The following LIMD1 variants were observed in gnomAD, a reference collection of about 807,000 sequenced individuals.
The protein encoded by LIMD1 is LIM domain-containing protein 1.
A neutral mutation model predicts 58.4 loss-of-function variants in LIMD1; 23 were observed. The observed-to-expected ratio is 0.39, with a 90% CI of 0.28 to 0.56. The LOEUF is 0.56. LIMD1 is among the 20% of genes least tolerant of loss of function. The pLI is 0.57. For missense variants in LIMD1, 838 were observed against 855.5 expected (o/e 0.98, Z 0.25); for synonymous variants, 334 against 345.5 (o/e 0.97, Z 0.37).
intron 3 of LIMD1, among the ~76,000 whole-genome samples, chr3:45,667,081 G>C (rs1402908142): frequency 6.6e-6 from 1 of 152,194 alleles, no homozygotes; most frequent in Non-Finnish European, 1.5e-5. Context: ...TTCAGTCTCA[G>C]GTCCTATGTG....
intron 2 of LIMD1, 57 bp downstream of exon 2, chr3:45,636,308 G>A (rs577447744): frequency 2.4e-5 from 31 of 1,271,470 alleles, no homozygotes; most frequent in Admixed American, 8.8e-5. Context: ...CATGGGAACC[G>A]AGAAAGGGAG....
chr3:45,654,586 T>G (rs986460035), intron 2 of LIMD1, among the ~76,000 whole-genome samples: 16 of 152,086 alleles, frequency 1.1e-4, no homozygotes, highest in East Asian at 3.9e-4. Context: ...CCCAGCACTG[T>G]GGGAGGCTGA....
Position 45,632,850 on chromosome 3 carries a change from C to T in LIMD1, c.1409-3300C>T, listed in dbSNP as rs1307147939. Among the ~76,000 whole-genome samples, 3 of 152,284 alleles carry T rather than the reference C, an allele frequency of 2.0e-5. No homozygotes were observed. In the East Asian group the frequency reaches 5.8e-4, roughly 29 times the overall value. On this transcript the variant is annotated intron_variant, in intron 1 of 7. Transcript: ENST00000273317. ...GGTCCAGTGGTCACTGTGCATGGGCCCCTAGCAGCAGCCGCGACACCACTG... is the reference window on the plus strand; with the variant it reads ...GGTCCAGTGGTCACTGTGCATGGGCTCCTAGCAGCAGCCGCGACACCACTG...
chr3:45,625,972 T>C (rs1202148786), intron 1 of LIMD1, among the ~76,000 whole-genome samples: 1 of 152,214 alleles, frequency 6.6e-6, no homozygotes, highest in Non-Finnish European at 1.5e-5. Context: ...TTGACTAATA[T>C]GAGGAGACAT....
intron 2 of LIMD1, among the ~76,000 whole-genome samples, chr3:45,657,707 C>T (rs1421646746): frequency 2.9e-4 from 44 of 152,222 alleles, no homozygotes; most frequent in Admixed American, 2.9e-3. Context: ...TCCCATCCTG[C>T]CCACTTACTA....
chr3:45,666,831 C>T (rs1697526725), intron 3 of LIMD1, among the ~76,000 whole-genome samples: 1 of 152,204 alleles, frequency 6.6e-6, no homozygotes, highest in South Asian at 2.1e-4. Context: ...GTTGAAATGA[C>T]TCTGTCATCT....
chr3:45,598,760 T>C (rs991292804), intron 1 of LIMD1, among the ~76,000 whole-genome samples: 1 of 152,136 alleles, frequency 6.6e-6, no homozygotes, highest in African/African-American at 2.4e-5. Context: ...ACCTAGAAGA[T>C]GCATTTGAGC....
intron 1 of LIMD1, among the ~76,000 whole-genome samples, chr3:45,612,044 A>G (rs892723583): frequency 6.6e-6 from 1 of 151,020 alleles, no homozygotes; most frequent in Non-Finnish European, 1.5e-5. Context: ...GCTTCTGCCC[A>G]GCTCTGTCAT....
intron 2 of LIMD1, among the ~76,000 whole-genome samples, chr3:45,643,505 T>C (rs535034409): frequency 6.7e-6 from 1 of 149,630 alleles, no homozygotes; most frequent in African/African-American, 2.5e-5. Flanking sequence ...AAAAGAATGG[T>C]CTGTGAGGGA....
At chr3:45,662,654 G>A (rs1697458259) in intron 2 of LIMD1, among the ~76,000 whole-genome samples, 1 of 151,880 alleles carries the variant, frequency 6.6e-6, no homozygotes, top group Admixed American at 6.6e-5. Flanking sequence ...TTTTCCTACT[G>A]TTACCATATA....
chr3:45,668,391 C>T (rs1425487922), intron 4 of LIMD1, 35 bp downstream of exon 4: 3 of 1,502,092 alleles, frequency 2.0e-6, no homozygotes, highest in Non-Finnish European at 2.8e-6. Flanking sequence ...AACAGCATCT[C>T]AGGTGGAGGA....
At position 45,664,301 on chromosome 3, in the gene LIMD1, C is replaced by T. The variant is rs1461191252; in HGVS notation, c.1511-1349C>T. ...GACTACAGACGTGAACAACTGTGCC[C>T]GGCCAGATACTAATAGCATTTTATA... On this transcript the variant is annotated intron_variant, in intron 2 of 7. Transcript: ENST00000273317. 2.6e-5 allele frequency among the ~76,000 whole-genome samples: 4 copies of T among 152,178 alleles called. No homozygotes were observed. The South Asian group carries it at 6.2e-4, about 24-fold the overall frequency.
intron 2 of LIMD1, among the ~76,000 whole-genome samples, chr3:45,646,731 A>C (rs1175169504): frequency 6.8e-6 from 1 of 146,694 alleles, no homozygotes; most frequent in Non-Finnish European, 1.5e-5. Context: ...TCTGCCATTC[A>C]GGCTGGAGTG....
At chr3:45,669,364 G>A (rs1228326008) in intron 4 of LIMD1, among the ~76,000 whole-genome samples, 3 of 152,232 alleles carry the variant, frequency 2.0e-5, no homozygotes, top group South Asian at 4.2e-4. Flanking sequence ...TCTCTAAGCT[G>A]ACTCATTAAT....
chr3:45,665,682 G>T lies in LIMD1; in HGVS notation c.1543G>T (p.Val515Phe). ...GCTGAGAGGAAAAGCCTTTTATTTTGTCAACGGCAAAGTGTTTTGTGAAGA... is the reference window on the plus strand; with the variant it reads ...GCTGAGAGGAAAAGCCTTTTATTTTTTCAACGGCAAAGTGTTTTGTGAAGA... ...RKLRGKAFYF[V>F]NGKVFCEEDF... The change falls in exon 3 of 8, where the codon GTC (valine) becomes TTC (phenylalanine). Residue 515 changes from valine (V) to phenylalanine (F), a missense_variant. Coordinates refer to ENST00000273317, the MANE Select transcript of LIMD1 (RefSeq NM_014240.3). 6.2e-7 allele frequency: 1 copy of T among 1,614,054 alleles called. No individual in the cohort carries two copies. The highest frequency in any genetic ancestry group is 2.2e-5 in the East Asian group (1 of 44,878).
chr3:45,602,994 C>T (rs547192913), intron 1 of LIMD1, among the ~76,000 whole-genome samples: 1 of 152,274 alleles, frequency 6.6e-6, no homozygotes, highest in African/African-American at 2.4e-5. Flanking sequence ...GCGCGCACCA[C>T]CATGCCCGGC....
At chr3:45,675,791 G>C (rs2125671438) in intron 7 of LIMD1, among the ~76,000 whole-genome samples, 1 of 152,242 alleles carries the variant, frequency 6.6e-6, no homozygotes, top group South Asian at 2.1e-4. Flanking sequence ...GGGATCACAT[G>C]AGCCCAGGAG....
chr3:45,619,839 C>A lies in LIMD1; in HGVS notation c.1409-16311C>A, dbSNP rs879747850. Among the ~76,000 whole-genome samples, 583 of 101,908 alleles carry A rather than the reference C, an allele frequency of 5.7e-3. 2 individuals are homozygous for A. The highest frequency in any genetic ancestry group is 9.7e-3 in the East Asian group (30 of 3,082). 66.9% of individuals were successfully genotyped at this position (101,908 alleles called of 152,430 possible). ...ATAACCAACCCCCCGCCCCCCCCCCCAAAAAAAGCACATTTTACTGGGCAT... is the reference window on the plus strand; with the variant it reads ...ATAACCAACCCCCCGCCCCCCCCCCAAAAAAAAGCACATTTTACTGGGCAT... On this transcript the variant is annotated intron_variant, in intron 1 of 7. Transcript: ENST00000273317.
chr3:45,595,907 C>G lies in LIMD1; in HGVS notation c.1028C>G (p.Ser343Cys), dbSNP rs1232498761. The G allele has an allele frequency of 1.2e-6, 2 of 1,614,224 alleles. No individual in the cohort carries two copies. Among genetic ancestry groups the G allele is most frequent in the Non-Finnish European group, 1.7e-6 (2 of 1,180,040 alleles). The change falls in exon 1 of 8, where the codon TCT becomes TGT. Residue 343 changes from serine to cysteine, a missense_variant. Ser to Cys is a moderately radical substitution (Grantham distance 112). Transcript: ENST00000273317. ...CCCTGGTTCCAGGATGGGCCCAAATCTTACCTTTCCAGTTCTGCCCCGTCA... is the reference window on the plus strand; with the variant it reads ...CCCTGGTTCCAGGATGGGCCCAAATGTTACCTTTCCAGTTCTGCCCCGTCA... The part of the protein sequence containing the change: ...PQPWFQDGPK[S>C]YLSSSAPSSS...
Sources: gnomAD v4.1 joint callset for allele counts (sites outside exome capture counted in the v4.1 genomes callset) on GRCh38, gnomAD v4.1.1 for gene constraint, MANE v1.5 for transcripts, NCBI Gene and HGNC (gene_info 2026-07-23, HGNC 2026-07-21) for gene names.